ARHGAP44: variants seen among roughly 807,000 people sequenced by gnomAD.
ARHGAP44 encodes rho GTPase-activating protein 44.
A neutral mutation model predicts 106.8 loss-of-function variants in ARHGAP44; 43 were observed. That is an observed-to-expected ratio of 0.40 (90% CI 0.32 to 0.52). ARHGAP44 has a LOEUF of 0.52. ARHGAP44 is among the 20% of genes least tolerant of loss of function. The pLI, the probability that ARHGAP44 is intolerant of heterozygous loss-of-function variation, is 0.48. For synonymous variants in ARHGAP44, 439 were observed against 410.3 expected, an observed-to-expected ratio of 1.07 and a Z score of -0.85; for missense variants, 866 against 1,050.5, an observed-to-expected ratio of 0.82 and a Z score of 2.43.
chr17:12,877,095 G>A (rs1346906776), intron 1 of ARHGAP44, among the ~76,000 whole-genome samples: 1 of 152,118 alleles, frequency 6.6e-6, no homozygotes, highest in Admixed American at 6.6e-5. Flanking sequence ...ATCTGAAATT[G>A]TTTGTAATAA....
rs66824907 is a variant in ARHGAP44 at position 12,852,277 on chromosome 17, C to CT, written c.54-42645dup. Among the ~76,000 whole-genome samples the CT allele has an allele frequency of 5.5e-3, 405 of 73,548 alleles. 9 individuals are homozygous for CT. Among genetic ancestry groups the CT allele is most frequent in the East Asian group, 0.016 (28 of 1,708 alleles). 48.3% of individuals were successfully genotyped at this position (73,548 alleles called of 152,430 possible). ...CACCACTAAATCTTCACTTTTGAAG[C>CT]TTTTTTTTTTTTTTTTTTGGTCAGT... is the stretch of plus-strand genomic sequence containing the variant. On this transcript the variant is annotated intron_variant, in intron 1 of 20. Transcript: ENST00000379672.
intron 6 of ARHGAP44, among the ~76,000 whole-genome samples, chr17:12,923,874 T>C (rs562876856): frequency 6.6e-6 from 1 of 152,290 alleles, no homozygotes; most frequent in African/African-American, 2.4e-5. Context: ...CAAGACCAAA[T>C]GCTGTGCTAT....
intron 14 of ARHGAP44, 39 bp downstream of exon 14, chr17:12,956,019 G>T: frequency 1.3e-6 from 2 of 1,484,644 alleles, no homozygotes; most frequent in Admixed American, 1.7e-5. Flanking sequence ...GTGATCAGGT[G>T]GGACTGCAGG....
chr17:12,843,033 A>G (rs142668740), intron 1 of ARHGAP44, among the ~76,000 whole-genome samples: 1 of 151,944 alleles, frequency 6.6e-6, no homozygotes. Flanking sequence ...TATTAATCCC[A>G]TTCATATAGC....
intron 3 of ARHGAP44, among the ~76,000 whole-genome samples, chr17:12,908,073 T>C: frequency 6.6e-6 from 1 of 152,172 alleles, no homozygotes; most frequent in East Asian, 1.9e-4. Flanking sequence ...TCTTTTCATG[T>C]GCTCTTTGGC....
chr17:12,873,934 T>C (rs868261065), intron 1 of ARHGAP44, among the ~76,000 whole-genome samples: 432 of 34,854 alleles, frequency 0.012, 2 homozygotes, highest in Middle Eastern at 0.054. Flanking sequence ...AATAAACAAA[T>C]AAATAAATAA....
At chr17:12,890,587 AG>A (rs2037014823) in intron 1 of ARHGAP44, among the ~76,000 whole-genome samples, 1 of 152,178 alleles carries the variant, frequency 6.6e-6, no homozygotes, top group Non-Finnish European at 1.5e-5. Flanking sequence ...CTGTAATGGG[AG>A]GAGCAGCCTC....
Position 12,929,046 on chromosome 17 carries a change from G to A in ARHGAP44, c.582G>A (p.Arg194=), listed in dbSNP as rs937919530. The stretch of plus-strand genomic sequence containing the variant: ...CTGCCAACAGAGTGGAGATTTGCAG[G>A]GTACCTGCCCTCTTTGCTCCTCTCT... ...EEAANRVEIC[R]DQLSADMYSF... The change falls in exon 7 of 21, where the codon AGG becomes AGA. Residue 194 remains arginine (R), a splice_region_variant and synonymous_variant. Transcript: ENST00000379672. 1 of 1,609,682 alleles carries A rather than the reference G, an allele frequency of 6.2e-7. No homozygotes were observed. Among genetic ancestry groups the A allele is most frequent in the Non-Finnish European group, 8.5e-7 (1 of 1,177,920 alleles).
chr17:12,886,971 TTTTG>T (rs1476640457), intron 1 of ARHGAP44, among the ~76,000 whole-genome samples: 5,342 of 118,414 alleles, frequency 0.045, 194 homozygotes, highest in African/African-American at 0.14. Flanking sequence ...AGAGTTTTTT[TTTTG>T]TTTTTTTTTT....
chr17:12,886,216 C>G lies in ARHGAP44; in HGVS notation c.54-8724C>G, dbSNP rs139246111. ...CTGGGTTTCTTTATTTTTGCCAAGA[C>G]CGTACTCTCTTGATTGACTACTTAA... is the stretch of plus-strand genomic sequence containing the variant. On this transcript the variant is annotated intron_variant, in intron 1 of 20. Transcript: ENST00000379672. Among the ~76,000 whole-genome samples the G allele has an allele frequency of 1.4e-4, 21 of 152,212 alleles. No homozygotes were observed. The East Asian group carries it at 4.1e-3, about 29-fold the overall frequency.
chr17:12,966,566 T>C (rs151319549), intron 16 of ARHGAP44, among the ~76,000 whole-genome samples: 153 of 152,338 alleles, frequency 1.0e-3, no homozygotes, highest in African/African-American at 3.5e-3. Context: ...GGTCCCCTTT[T>C]CACTCACCTT....
In ARHGAP44 at chr17:12,949,821, G is replaced by A. The variant is rs1432948850; in HGVS notation, c.1055+91G>A. 2.2e-5 allele frequency: 28 copies of A among 1,278,736 alleles called. No homozygotes were observed. The highest frequency in any genetic ancestry group is 1.6e-4 in the South Asian group (13 of 78,948). The allele number at this position is 1,278,736 out of a possible 1,614,324, so 79.2% of individuals were successfully genotyped here. A position where few individuals can be genotyped will look rare whatever the true frequency, so the allele number is the denominator to read the frequency against. On this transcript the variant is annotated intron_variant, in intron 12 of 20. Coordinates refer to ENST00000379672, the MANE Select transcript of ARHGAP44 (RefSeq NM_014859.6). The surrounding 1 kb of genome is among the most constrained non-coding windows in gnomAD (Gnocchi z 4.1). ...ATAGAAGCATGTAACCTATGATCTC[G>A]CAACCCCGTTTCTTGATCTCTGCCA...
At chr17:12,855,954 G>A (rs2035897443) in intron 1 of ARHGAP44, among the ~76,000 whole-genome samples, 1 of 152,090 alleles carries the variant, frequency 6.6e-6, no homozygotes. Flanking sequence ...ATTGCAAAAG[G>A]CAAAACAACA....
At chr17:12,903,543 C>G (rs1418771764) in intron 3 of ARHGAP44, among the ~76,000 whole-genome samples, 2 of 152,006 alleles carry the variant, frequency 1.3e-5, no homozygotes, top group Admixed American at 6.6e-5. Flanking sequence ...GGGAGCTTTT[C>G]TAGATTTTTG....
intron 7 of ARHGAP44, among the ~76,000 whole-genome samples, chr17:12,935,049 C>T (rs920680955): frequency 1.3e-5 from 2 of 152,126 alleles, no homozygotes; most frequent in African/African-American, 4.8e-5. Flanking sequence ...GGTTCTGAGT[C>T]ACTAAATTTA....
intron 18 of ARHGAP44, among the ~76,000 whole-genome samples, chr17:12,976,215 C>A (rs2039677090): frequency 6.6e-6 from 1 of 152,112 alleles, no homozygotes; most frequent in Non-Finnish European, 1.5e-5. Flanking sequence ...CACTCATCCT[C>A]ACACACCATC....
At chr17:12,793,613 C>T (rs9914020) in intron 1 of ARHGAP44, among the ~76,000 whole-genome samples, 27,829 of 151,696 alleles carry the variant, frequency 0.18, 4,355 homozygotes, top group African/African-American at 0.42. Context: ...GAGTCTGAGG[C>T]GGGAGAATCG....
rs912444620 is a variant in ARHGAP44, at chr17:12,949,433, G to A, written c.973+182G>A. On this transcript the variant is annotated intron_variant, in intron 11 of 20. Coordinates refer to ENST00000379672, the MANE Select transcript of ARHGAP44 (RefSeq NM_014859.6). The surrounding 1 kb of genome is among the most constrained non-coding windows in gnomAD (Gnocchi z 4.1). Reference sequence around the variant, plus strand: ...TGGCCCCTTGAAGGAAGGCCTCCCCGCATGCCAAGGGAAGACGAGGTAATT... The same window carrying A: ...TGGCCCCTTGAAGGAAGGCCTCCCCACATGCCAAGGGAAGACGAGGTAATT... Among the ~76,000 whole-genome samples the A allele has an allele frequency of 5.3e-5, 8 of 152,156 alleles. No homozygotes were observed. The highest frequency in any genetic ancestry group is 2.1e-4 in the South Asian group (1 of 4,828).
At position 12,789,726 on chromosome 17, in the gene ARHGAP44, G is replaced by T; in HGVS notation, c.-113G>T. The T allele has an allele frequency of 9.6e-7, 1 of 1,042,284 alleles. No homozygotes were observed. The highest frequency in any genetic ancestry group is 1.3e-6 in the Non-Finnish European group (1 of 786,622). The allele number at this position is 1,042,284 out of a possible 1,614,324, so 64.6% of individuals were successfully genotyped here. A position where few individuals can be genotyped will look rare whatever the true frequency, so the allele number is the denominator to read the frequency against. ...CCAGACGGCGCCCGGAGGCTCCGCA[G>T]TGCCGCCGCCGTCGCCCGGGAGGCT... On this transcript the variant is annotated 5_prime_UTR_variant, in exon 1 of 21. Transcript: ENST00000379672.
Sources: allele counts gnomAD v4.1 joint callset (sites outside exome capture counted in the v4.1 genomes callset), GRCh38; gene constraint gnomAD v4.1.1; non-coding constraint Gnocchi (gnomAD v3.1); transcripts MANE v1.5; gene names NCBI Gene and HGNC (gene_info 2026-07-23, HGNC 2026-07-21).